Variants in KCNH1 observed in about 807,000 individuals in gnomAD.
The protein encoded by KCNH1 is potassium voltage-gated channel subfamily H member 1, also known as voltage-gated delayed rectifier potassium channel KCNH1.
KCNH1 carries 27 observed loss-of-function variants against 69.2 expected under a neutral mutation model. That is an observed-to-expected ratio of 0.39 (90% CI 0.29 to 0.54). The LOEUF (loss-of-function observed/expected upper bound fraction) is 0.54, where lower values mean the gene tolerates loss of function less well. Among genes scored for constraint, KCNH1 ranks in the 20% least tolerant of loss-of-function variants. The pLI is 0.68. For missense variants in KCNH1, 798 were observed against 1,261.6 expected (o/e 0.63, Z 5.57); for synonymous variants, 456 against 487.7 (o/e 0.93, Z 0.86).
Position 210,854,896 on chromosome 1 carries a change from C to T in KCNH1, c.1463-50730G>A, listed in dbSNP as rs1166125115. On this transcript the variant is annotated intron_variant, in intron 7 of 10. Transcript: ENST00000271751. ...TAGATACTGAAAACCAGACAATTGA[C>T]CTTAGCCCTGGTTTGAGCATCATGA... Among the ~76,000 whole-genome samples the T allele has an allele frequency of 3.3e-5, 5 of 152,298 alleles. No homozygotes were observed. In the South Asian group the frequency reaches 8.3e-4, roughly 25 times the overall value.
At chr1:210,709,255 G>C (rs78630019) in intron 10 of KCNH1, among the ~76,000 whole-genome samples, 1 of 152,136 alleles carries the variant, frequency 6.6e-6, no homozygotes, top group Non-Finnish European at 1.5e-5. Context: ...TCTCAAAGGT[G>C]GGGGAGATTT....
At chr1:210,935,182 TA>T (rs56135512) in intron 6 of KCNH1, among the ~76,000 whole-genome samples, 15 of 133,566 alleles carry the variant, frequency 1.1e-4, no homozygotes, top group Non-Finnish European at 1.6e-4. Context: ...TATTCAGCCA[TA>T]AAAAAAAAAA....
intron 6 of KCNH1, among the ~76,000 whole-genome samples, chr1:210,956,340 C>CAGGG (rs772169478): frequency 2.6e-3 from 392 of 152,286 alleles, no homozygotes; most frequent in Admixed American, 6.0e-3. Context: ...CGATGTTCAT[C>CAGGG]AGGGATATTG....
chr1:210,805,877 T>C (rs1307151342), intron 7 of KCNH1, among the ~76,000 whole-genome samples: 1 of 152,234 alleles, frequency 6.6e-6, no homozygotes, highest in Non-Finnish European at 1.5e-5. Context: ...CATAATGTTT[T>C]CCAGCTTCAC....
intron 7 of KCNH1, among the ~76,000 whole-genome samples, chr1:210,863,044 A>C (rs1467033022): frequency 6.6e-6 from 1 of 152,218 alleles, no homozygotes; most frequent in Non-Finnish European, 1.5e-5. Flanking sequence ...TTGTGTTAGA[A>C]GGTTCAGGAA....
Position 210,872,209 on chromosome 1 carries a change from C to T in KCNH1, c.1462+47431G>A, listed in dbSNP as rs113332987. Among the ~76,000 whole-genome samples the T allele has an allele frequency of 8.6e-3, 1,296 of 150,184 alleles. 5 individuals are homozygous for T. The highest frequency in any genetic ancestry group is 0.015 in the Non-Finnish European group (1,008 of 67,718). Reference sequence around the variant, plus strand: ...TCGATGTTAAGTACTTTATATAGTGCCTGTACCATGGTAAATGCTTAATAA... The same window carrying T: ...TCGATGTTAAGTACTTTATATAGTGTCTGTACCATGGTAAATGCTTAATAA... On this transcript the variant is annotated intron_variant, in intron 7 of 10. Transcript: ENST00000271751.
chr1:211,037,958 CTTTTTTTTTT>C (rs749586546), intron 5 of KCNH1, among the ~76,000 whole-genome samples: 5 of 123,128 alleles, frequency 4.1e-5, no homozygotes, highest in African/African-American at 1.6e-4. Flanking sequence ...GCTTCTCCCT[CTTTTTTTTTT>C]TTTTTTTTTG....
Position 210,997,992 on chromosome 1 carries a change from T to C in KCNH1, c.1032+20791A>G, listed in dbSNP as rs570921312. 3.2e-3 allele frequency among the ~76,000 whole-genome samples: 489 copies of C among 152,210 alleles called. 1 individual carries two copies. The highest frequency in any genetic ancestry group is 0.011 in the African/African-American group (462 of 41,544). On this transcript the variant is annotated intron_variant, in intron 6 of 10. Transcript: ENST00000271751. ...GATTTTGTCACCACCAGGCCTGCCC[T>C]AAAAGAGCTCCTGAAGGAAGCACTA...
intron 6 of KCNH1, among the ~76,000 whole-genome samples, chr1:210,996,745 G>C (rs1302024297): frequency 1.3e-5 from 2 of 152,236 alleles, no homozygotes; most frequent in African/African-American, 4.8e-5. Flanking sequence ...AGTAGGGGCA[G>C]ACTGACACCT....
chr1:210,726,307 G>T (rs190367347), intron 10 of KCNH1, among the ~76,000 whole-genome samples: 95 of 152,234 alleles, frequency 6.2e-4, no homozygotes, highest in African/African-American at 2.2e-3. Flanking sequence ...AGAAACAAAT[G>T]GGGAGACTTG....
intron 5 of KCNH1, among the ~76,000 whole-genome samples, chr1:211,062,367 A>G (rs968593543): frequency 2.0e-5 from 3 of 152,206 alleles, no homozygotes; most frequent in African/African-American, 7.2e-5. Flanking sequence ...AACCACTAAA[A>G]GAAACATTGG....
At position 211,100,256 on chromosome 1, in the gene KCNH1, C is replaced by A. The variant is rs113346982; in HGVS notation, c.310+3240G>T. 5.3e-5 allele frequency among the ~76,000 whole-genome samples: 8 copies of A among 152,278 alleles called. No individual in the cohort carries two copies. The East Asian group carries it at 1.5e-3, about 29-fold the overall frequency. ...CCTCCACCGCCTTCTCCACCACTAC[C>A]GCTTTTAAGACAGATTCTAAACTAT... On this transcript the variant is annotated intron_variant, in intron 3 of 10. Coordinates refer to ENST00000271751, the MANE Select transcript of KCNH1 (RefSeq NM_172362.3).
chr1:210,840,021 CAGAG>C (rs1685372471), intron 7 of KCNH1, among the ~76,000 whole-genome samples: 1 of 152,138 alleles, frequency 6.6e-6, no homozygotes, highest in South Asian at 2.1e-4. Flanking sequence ...CAGAGACAGA[CAGAG>C]AGAGACAGTC....
At chr1:210,789,520 T>C (rs1219162580) in intron 9 of KCNH1, among the ~76,000 whole-genome samples, 1 of 152,248 alleles carries the variant, frequency 6.6e-6, no homozygotes, top group Non-Finnish European at 1.5e-5. Context: ...GACATCTATA[T>C]GAAAAATAAT....
intron 7 of KCNH1, among the ~76,000 whole-genome samples, chr1:210,907,225 C>T (rs1328608707): frequency 6.6e-6 from 1 of 152,094 alleles, no homozygotes. Context: ...GGACCACTTC[C>T]AGGGTTATAT....
chr1:210,754,597 T>A (rs933788386), intron 10 of KCNH1, among the ~76,000 whole-genome samples: 1 of 151,944 alleles, frequency 6.6e-6, no homozygotes, highest in Non-Finnish European at 1.5e-5. Flanking sequence ...ATTAAAAGTG[T>A]GTGGTACCTC....
chr1:211,015,583 T>C (rs1212938073), intron 6 of KCNH1, among the ~76,000 whole-genome samples: 1 of 151,806 alleles, frequency 6.6e-6, no homozygotes, highest in East Asian at 1.9e-4. Flanking sequence ...GTTCTTACAA[T>C]AAGCTTCTGG....
intron 6 of KCNH1, among the ~76,000 whole-genome samples, chr1:210,937,140 A>G (rs529017426): frequency 6.6e-6 from 1 of 152,240 alleles, no homozygotes; most frequent in Non-Finnish European, 1.5e-5. Context: ...ATCAACACAC[A>G]ACGGCTCAAT....
chr1:210,850,920 A>T (rs1056802385), intron 7 of KCNH1, among the ~76,000 whole-genome samples: 1 of 152,180 alleles, frequency 6.6e-6, no homozygotes, highest in Admixed American at 6.5e-5. Flanking sequence ...CATGCTCAGT[A>T]TCTCTCATTT....
Sources: allele counts gnomAD v4.1 joint callset (sites outside exome capture counted in the v4.1 genomes callset), GRCh38; gene constraint gnomAD v4.1.1; transcripts MANE v1.5; gene names NCBI Gene and HGNC (gene_info 2026-07-23, HGNC 2026-07-21).